Variants in ZNF831 observed in about 807,000 individuals in gnomAD.
ZNF831 encodes chromosome 20 open reading frame 174.
A neutral mutation model predicts 95.8 loss-of-function variants in ZNF831; 59 were observed. That is an observed-to-expected ratio of 0.62 (90% CI 0.50 to 0.77). ZNF831 has a LOEUF of 0.77. Ranked by LOEUF, ZNF831 falls within the 30% of genes least tolerant of loss-of-function variation. The pLI is 0.00. For synonymous variants in ZNF831, 961 were observed against 925.5 expected (o/e 1.04, Z -0.70); for missense variants, 2,205 against 2,164.0 (o/e 1.02, Z -0.38).
At chr20:59,145,011 G>C (rs1979799021) in intron 1 of ZNF831, among the ~76,000 whole-genome samples, 2 of 152,194 alleles carry the variant, frequency 1.3e-5, no homozygotes, top group Non-Finnish European at 2.9e-5. Context: ...GAGTAGACCT[G>C]CTGGGGTGGG....
chr20:59,201,262 T>C (rs990345250), intron 3 of ZNF831, among the ~76,000 whole-genome samples: 1 of 152,250 alleles, frequency 6.6e-6, no homozygotes, highest in Non-Finnish European at 1.5e-5. Flanking sequence ...TTTGTGTGCT[T>C]ATTTAGCATT....
At chr20:59,230,683 T>C (rs1427505126) in intron 4 of ZNF831, among the ~76,000 whole-genome samples, 1 of 152,154 alleles carries the variant, frequency 6.6e-6, no homozygotes, top group Non-Finnish European at 1.5e-5. Context: ...AACAAAACAA[T>C]GAAGGCTTAA....
At chr20:59,172,792 G>A (rs899018295) in intron 1 of ZNF831, among the ~76,000 whole-genome samples, 1 of 152,182 alleles carries the variant, frequency 6.6e-6, no homozygotes, top group Non-Finnish European at 1.5e-5. Flanking sequence ...TCCAATGGCT[G>A]GTGGTGTTTT....
chr20:59,227,244 A>G (rs1986481326), intron 4 of ZNF831, among the ~76,000 whole-genome samples: 1 of 152,206 alleles, frequency 6.6e-6, no homozygotes, highest in Non-Finnish European at 1.5e-5. Context: ...ATGTAATTCA[A>G]AATGAAGTAA....
At chr20:59,224,140 C>T (rs1191851275) in intron 4 of ZNF831, among the ~76,000 whole-genome samples, 1 of 152,234 alleles carries the variant, frequency 6.6e-6, no homozygotes, top group East Asian at 1.9e-4. Context: ...CTTCAGAAGC[C>T]ACCTTGGAAA....
intron 1 of ZNF831, among the ~76,000 whole-genome samples, chr20:59,145,653 G>A (rs1008397136): frequency 6.6e-6 from 1 of 152,200 alleles, no homozygotes; most frequent in Non-Finnish European, 1.5e-5. Flanking sequence ...AAGAATGTCA[G>A]ATATGGAAGC....
rs1438905125 is a variant in ZNF831 at position 59,192,239 on chromosome 20, G to A, written c.1220G>A (p.Arg407His). The change falls in exon 2 of 6, where the codon CGC (arginine) becomes CAC (histidine). Residue 407 changes from arginine (R) to histidine (H), a missense_variant. Arg to His is a conservative substitution (Grantham distance 29, BLOSUM62 0). Transcript: ENST00000371030. This position sits in a 1 kb window ranked among gnomAD's most constrained non-coding sequence, Gnocchi z 5.2. ...CTGGAGAAGAAGCGGCTGGAGGAGC[G>A]CATCGCCCAGCTCATCTCCCACAAC... ...LELEKKRLEERIAQLISHNQA... is the reference protein window; with the variant it reads ...LELEKKRLEEHIAQLISHNQA... 3.1e-6 allele frequency: 5 copies of A among 1,592,978 alleles called. No homozygotes were observed. Among genetic ancestry groups the A allele is most frequent in the Admixed American group, 1.7e-5 (1 of 57,636 alleles).
intron 3 of ZNF831, among the ~76,000 whole-genome samples, chr20:59,198,556 T>C (rs1984288786): frequency 6.6e-6 from 1 of 152,178 alleles, no homozygotes; most frequent in Non-Finnish European, 1.5e-5. Context: ...TTGGCCTTAC[T>C]AGCTGGCCTT....
In ZNF831 at chr20:59,194,084, T is replaced by G; in HGVS notation, c.3065T>G (p.Leu1022Trp). The change falls in exon 2 of 6, where the codon TTG (leucine) becomes TGG (tryptophan). Residue 1022 changes from leucine to tryptophan, a missense_variant. Coordinates refer to ENST00000371030, the MANE Select transcript of ZNF831 (RefSeq NM_178457.3). ...RPQDGRKGAQ[L>W]GGDKGDRMAT... ...CAGGATGGGAGAAAAGGGGCACAGT[T>G]GGGGGGGGACAAGGGGGACAGGATG... 2 of 1,537,374 alleles carry G rather than the reference T, an allele frequency of 1.3e-6. No individual in the cohort carries two copies.
At chr20:59,207,906 G>T (rs534326460) in intron 4 of ZNF831, among the ~76,000 whole-genome samples, 1 of 152,152 alleles carries the variant, frequency 6.6e-6, no homozygotes, top group African/African-American at 2.4e-5. Context: ...TCCTTTGCTG[G>T]GGCAACTCTG....
intron 4 of ZNF831, among the ~76,000 whole-genome samples, chr20:59,227,367 C>T (rs1306993778): frequency 2.0e-5 from 3 of 152,136 alleles, no homozygotes; most frequent in East Asian, 1.9e-4. Flanking sequence ...CATATCTGCT[C>T]CTTAGTGTCA....
At chr20:59,142,995 G>A (rs968598772) in intron 1 of ZNF831, among the ~76,000 whole-genome samples, 1 of 152,052 alleles carries the variant, frequency 6.6e-6, no homozygotes. Flanking sequence ...CACCACCTAG[G>A]CTAAAGGGAT....
At position 59,255,769 on chromosome 20, in the gene ZNF831, G is replaced by A. The variant is rs966523267; in HGVS notation, c.*1026G>A. On this transcript the variant is annotated 3_prime_UTR_variant, in exon 6 of 6. Transcript: ENST00000371030. ...GAGTTTTGACGCTGTTTTACATCTC[G>A]GTAATTTTATTTTCGGGGCTTAGTG... 3 of 152,076 alleles carry A rather than the reference G, an allele frequency of 2.0e-5. No individual in the cohort carries two copies. Among genetic ancestry groups the A allele is most frequent in the Non-Finnish European group, 2.9e-5 (2 of 68,016 alleles). The allele number at this position is 152,076 out of a possible 1,614,324, so 9.4% of individuals were successfully genotyped here. A position where few individuals can be genotyped will look rare whatever the true frequency, so the allele number is the denominator to read the frequency against.
chr20:59,185,066 C>T (rs949571087), intron 1 of ZNF831, among the ~76,000 whole-genome samples: 14 of 149,044 alleles, frequency 9.4e-5, no homozygotes, highest in African/African-American at 1.8e-4. Flanking sequence ...GGGGCTGTCC[C>T]GGACCCTTCC....
At position 59,193,450 on chromosome 20, in the gene ZNF831, A is replaced by G; in HGVS notation, c.2431A>G (p.Arg811Gly). The change falls in exon 2 of 6, where the codon AGG becomes GGG. Residue 811 changes from arginine (R) to glycine (G), a missense_variant. By Grantham distance (125) the Arg-to-Gly change is moderately radical (BLOSUM62 -2). Transcript: ENST00000371030. ...WAQTVLRWPS[R>G]GSGEDKLPSE... ...CCAGACTGTCCTGAGATGGCCCAGC[A>G]GGGGCTCAGGGGAGGACAAGCTCCC... is the stretch of plus-strand genomic sequence containing the variant. 1 of 1,605,734 alleles carries G rather than the reference A, an allele frequency of 6.2e-7. No homozygotes were observed. Among genetic ancestry groups the G allele is most frequent in the Non-Finnish European group, 8.5e-7 (1 of 1,176,222 alleles).
Position 59,253,090 on chromosome 20 carries a change from T to G in ZNF831, c.4140T>G (p.Leu1380=), listed in dbSNP as rs770350885. ...GACAAACCTTAGGAACCCTCTCTCT[T>G]GGTACAAGTTCAAGAATTGTCAGGG... ...DCRQTLGTLS[L]GTSSRIVREM... The change falls in exon 5 of 6, where the codon CTT becomes CTG. Residue 1380 remains leucine (L), a synonymous_variant. Coordinates refer to ENST00000371030, the MANE Select transcript of ZNF831 (RefSeq NM_178457.3). 1 of 1,614,078 alleles carries G rather than the reference T, an allele frequency of 6.2e-7. No homozygotes were observed. Among genetic ancestry groups the G allele is most frequent in the East Asian group, 2.2e-5 (1 of 44,870 alleles).
At chr20:59,189,788 G>T (rs1483415417) in intron 1 of ZNF831, among the ~76,000 whole-genome samples, 1 of 152,252 alleles carries the variant, frequency 6.6e-6, no homozygotes. Context: ...TGGGATTACA[G>T]GCGTGAGCCA....
chr20:59,211,970 G>A (rs557974101), intron 4 of ZNF831, among the ~76,000 whole-genome samples: 8 of 151,216 alleles, frequency 5.3e-5, no homozygotes, highest in East Asian at 2.0e-4. Context: ...CCTTTGTGTA[G>A]GTGGAGGTGG....
intron 2 of ZNF831, 60 bp downstream of exon 2, chr20:59,194,817 A>T (rs2146605310): frequency 6.7e-7 from 1 of 1,484,496 alleles, no homozygotes; most frequent in East Asian, 2.4e-5. Context: ...ATCCCGTAAG[A>T]CCTCTCATGA....
Sources: gnomAD v4.1 joint callset for allele counts (sites outside exome capture counted in the v4.1 genomes callset) on GRCh38, gnomAD v4.1.1 for gene constraint, Gnocchi (gnomAD v3.1) non-coding constraint, MANE v1.5 for transcripts, NCBI Gene and HGNC (gene_info 2026-07-23, HGNC 2026-07-21) for gene names.